PAG1: variants seen among roughly 807,000 people sequenced by gnomAD.
The protein encoded by PAG1 is phosphoprotein membrane anchor with glycosphingolipid microdomains 1, also known as phosphoprotein associated with glycosphingolipid-enriched microdomains 1.
A neutral mutation model predicts 31.7 loss-of-function variants in PAG1; 23 were observed. That is an observed-to-expected ratio of 0.73 (90% CI 0.52 to 1.03). PAG1 has a LOEUF of 1.03. Among genes scored for constraint, PAG1 ranks in the 50% least tolerant of loss-of-function variants. The pLI is 0.00. For synonymous variants in PAG1, 214 were observed against 210.3 expected (o/e 1.02, Z -0.15); for missense variants, 473 against 540.7 (o/e 0.87, Z 1.24).
rs184643203 is a variant in PAG1, at chr8:81,089,364, C to T, written c.-233-19194G>A. Among the ~76,000 whole-genome samples, 125 of 152,130 alleles carry T rather than the reference C, an allele frequency of 8.2e-4. 3 individuals carry two copies. The East Asian group carries it at 0.017, about 21-fold the overall frequency. On this transcript the variant is annotated intron_variant, in intron 1 of 8. Coordinates refer to ENST00000220597, the MANE Select transcript of PAG1 (RefSeq NM_018440.4). ...TGGGAGGATCACGAGGTCAGGAGAT[C>T]GAGGCCATCCTGGCTAACACAGTGA... is the stretch of plus-strand genomic sequence containing the variant.
chr8:81,082,719 T>C (rs1809289654), intron 1 of PAG1, among the ~76,000 whole-genome samples: 2 of 152,214 alleles, frequency 1.3e-5, no homozygotes, highest in South Asian at 2.1e-4. Flanking sequence ...TGGGTTACTG[T>C]ATTTTTCTGT....
chr8:80,991,535 A>T lies in PAG1; in HGVS notation c.126-5T>A, dbSNP rs201435486. On this transcript the variant is annotated splice_polypyrimidine_tract_variant and splice_region_variant and intron_variant, in intron 4 of 8. Transcript: ENST00000220597. Reference sequence around the variant, plus strand: ...TGCTGTCGCGGCTTCTTTTCCCTGAAATGAAAAGTGAAATGTTGTAATGTC... The same window carrying T: ...TGCTGTCGCGGCTTCTTTTCCCTGATATGAAAAGTGAAATGTTGTAATGTC... 2 of 1,610,768 alleles carry T rather than the reference A, an allele frequency of 1.2e-6. No homozygotes were observed. Among genetic ancestry groups the T allele is most frequent in the Non-Finnish European group, 1.7e-6 (2 of 1,176,932 alleles).
At chr8:81,055,419 A>G (rs1808803335) in intron 2 of PAG1, among the ~76,000 whole-genome samples, 1 of 152,174 alleles carries the variant, frequency 6.6e-6, no homozygotes, top group Non-Finnish European at 1.5e-5. Context: ...TGAAAAATTA[A>G]GAACTGACTT....
At chr8:81,007,155 C>T (rs754487429) in intron 3 of PAG1, among the ~76,000 whole-genome samples, 42 of 152,018 alleles carry the variant, frequency 2.8e-4, no homozygotes, top group Non-Finnish European at 5.4e-4. Context: ...TATGATACAG[C>T]GGCAAGGTTT....
At chr8:81,040,839 T>A (rs1586182503) in intron 2 of PAG1, 1 of 152,228 alleles carries the variant, frequency 6.6e-6, no homozygotes, top group South Asian at 2.1e-4. Flanking sequence ...AGAAGGAATA[T>A]GGGCTCACCT....
At position 81,082,436 on chromosome 8, in the gene PAG1, G is replaced by T. The variant is rs934282812; in HGVS notation, c.-233-12266C>A. Among the ~76,000 whole-genome samples the T allele has an allele frequency of 4.6e-5, 7 of 152,026 alleles. No individual in the cohort carries two copies. In the South Asian group the frequency reaches 1.2e-3, roughly 27 times the overall value. The stretch of plus-strand genomic sequence containing the variant: ...TTTGGCCTACTACACTCAACTCCTT[G>T]TATCTGTAGGTTTCAGTCTTCTGTT... On this transcript the variant is annotated intron_variant, in intron 1 of 8. Coordinates refer to ENST00000220597, the MANE Select transcript of PAG1 (RefSeq NM_018440.4).
intron 1 of PAG1, among the ~76,000 whole-genome samples, chr8:81,092,926 A>C (rs1809471706): frequency 6.6e-6 from 1 of 152,146 alleles, no homozygotes; most frequent in Non-Finnish European, 1.5e-5. Flanking sequence ...CTCAACTCAA[A>C]ACCTTCTTAG....
intron 2 of PAG1, among the ~76,000 whole-genome samples, chr8:81,058,277 C>T (rs923670937): frequency 6.6e-5 from 10 of 152,300 alleles, no homozygotes; most frequent in African/African-American, 2.4e-4. Context: ...AAGAAACCAT[C>T]CTTCTGCAGG....
At chr8:81,080,197 G>C (rs562967315) in intron 1 of PAG1, among the ~76,000 whole-genome samples, 1 of 152,264 alleles carries the variant, frequency 6.6e-6, no homozygotes, top group South Asian at 2.1e-4. Context: ...TCTAATTTAA[G>C]AAGTATTGAA....
chr8:81,038,555 G>T lies in PAG1; in HGVS notation c.-174-8466C>A, dbSNP rs190066244. On this transcript the variant is annotated intron_variant, in intron 2 of 8. Coordinates refer to ENST00000220597, the MANE Select transcript of PAG1 (RefSeq NM_018440.4). ...TATGCAGGGCCGTGTGTGAACTGGG[G>T]GTTGGTAGGTTGGCATTTTACAGAT... Among the ~76,000 whole-genome samples, 273 of 152,220 alleles carry T rather than the reference G, an allele frequency of 1.8e-3. 1 individual carries two copies. The highest frequency in any genetic ancestry group is 0.01 in the Middle Eastern group (3 of 294).
At chr8:81,084,850 A>C (rs2131031307) in intron 1 of PAG1, among the ~76,000 whole-genome samples, 1 of 152,346 alleles carries the variant, frequency 6.6e-6, no homozygotes, top group East Asian at 1.9e-4. Flanking sequence ...ATTATAAGCA[A>C]AATGTACAGA....
intron 1 of PAG1, among the ~76,000 whole-genome samples, chr8:81,101,584 G>A (rs1809610246): frequency 6.6e-6 from 1 of 152,088 alleles, no homozygotes; most frequent in Admixed American, 6.6e-5. Context: ...CTTAAAAAAG[G>A]AAGCATATCT....
At chr8:81,023,921 CACA>C (rs1361262998) in intron 3 of PAG1, among the ~76,000 whole-genome samples, 1 of 152,154 alleles carries the variant, frequency 6.6e-6, no homozygotes, top group Non-Finnish European at 1.5e-5. Context: ...TGATAATCGT[CACA>C]ACATCAGTTG....
chr8:81,046,630 T>C (rs1290507495), intron 2 of PAG1, among the ~76,000 whole-genome samples: 2 of 152,244 alleles, frequency 1.3e-5, no homozygotes, highest in Non-Finnish European at 2.9e-5. Flanking sequence ...AGTAATCCTG[T>C]AATTGATTGT....
intron 1 of PAG1, among the ~76,000 whole-genome samples, chr8:81,082,591 C>A (rs1354322029): frequency 6.6e-6 from 1 of 152,102 alleles, no homozygotes; most frequent in African/African-American, 2.4e-5. Context: ...CCTTGAGGCT[C>A]TCTATTCTAT....
chr8:81,030,386 T>C (rs1808359914), intron 2 of PAG1, among the ~76,000 whole-genome samples: 1 of 152,266 alleles, frequency 6.6e-6, no homozygotes, highest in Non-Finnish European at 1.5e-5. Flanking sequence ...ACTTGCTCTT[T>C]CTATATTTTT....
At chr8:81,103,108 T>C (rs1165815985) in intron 1 of PAG1, among the ~76,000 whole-genome samples, 1 of 151,950 alleles carries the variant, frequency 6.6e-6, no homozygotes, top group Non-Finnish European at 1.5e-5. Context: ...CAGATTCTTT[T>C]TTAGTGCTCT....
At chr8:81,098,508 G>C (rs116261082) in intron 1 of PAG1, among the ~76,000 whole-genome samples, 304 of 152,296 alleles carry the variant, frequency 2.0e-3, no homozygotes, top group African/African-American at 7.1e-3. Flanking sequence ...AGGATTTCAT[G>C]ATGGGTGTGA....
intron 1 of PAG1, among the ~76,000 whole-genome samples, chr8:81,095,544 C>T (rs1231777694): frequency 2.0e-5 from 3 of 152,142 alleles, no homozygotes; most frequent in African/African-American, 7.2e-5. Flanking sequence ...ATGTCTCTTC[C>T]TCAGGGGGAC....
Sources: allele counts gnomAD v4.1 joint callset (sites outside exome capture counted in the v4.1 genomes callset), GRCh38; gene constraint gnomAD v4.1.1; transcripts MANE v1.5; gene names NCBI Gene and HGNC (gene_info 2026-07-23, HGNC 2026-07-21).